The following TMPRSS11A variants were observed in gnomAD, a reference collection of about 807,000 sequenced individuals.
TMPRSS11A encodes transmembrane serine protease 11A.
TMPRSS11A carries 53 observed loss-of-function variants against 58.9 expected under a neutral mutation model. The observed-to-expected ratio is 0.90, with a 90% CI of 0.72 to 1.13. TMPRSS11A has a LOEUF of 1.13. Among genes scored for constraint, TMPRSS11A ranks in the 50% most tolerant of loss-of-function variants. The probability of loss-of-function intolerance (pLI) is 0.00; values close to 1 mark genes in which losing one functional copy is unlikely to be tolerated. For synonymous variants in TMPRSS11A, 167 were observed against 169.8 expected, an observed-to-expected ratio of 0.98 and a Z score of 0.13; for missense variants, 493 against 499.3, an observed-to-expected ratio of 0.99 and a Z score of 0.12.
intron 9 of TMPRSS11A, 36 bp downstream of exon 9, chr4:67,914,552 T>G: frequency 6.3e-6 from 10 of 1,594,718 alleles, no homozygotes; most frequent in Non-Finnish European, 8.6e-6. Flanking sequence ...ATACAAATTT[T>G]TGAGTTAGTA....
At chr4:67,917,869 C>G (rs1369239626) in intron 8 of TMPRSS11A, among the ~76,000 whole-genome samples, 2 of 152,158 alleles carry the variant, frequency 1.3e-5, no homozygotes, top group Admixed American at 1.3e-4. Flanking sequence ...AGGGAGGTGT[C>G]AGGCTTACAG....
intron 8 of TMPRSS11A, among the ~76,000 whole-genome samples, chr4:67,916,110 A>G (rs1720137666): frequency 6.6e-6 from 1 of 152,152 alleles, no homozygotes; most frequent in African/African-American, 2.4e-5. Context: ...TTCTTGAGAA[A>G]CGCTACAAGA....
rs757600245 is a variant in TMPRSS11A, at chr4:67,946,552, G to A, written c.31C>T (p.Arg11Ter). The A allele has an allele frequency of 1.1e-5, 17 of 1,610,980 alleles. No homozygotes were observed. The highest frequency in any genetic ancestry group is 1.4e-5 in the Non-Finnish European group (16 of 1,178,604). MMYRTVGFGT[R>*]SRNLKPWMIA... ...ATCCATGGCTTCAGATTTCTGCTTC[G>A]GGTGCCAAATCCCACTGTCCTGAGA... The change falls in exon 2 of 10, where the codon CGA (arginine) becomes TGA (stop). Residue 11 changes from arginine (R) to a stop codon, truncating the protein, a stop_gained. Transcript: ENST00000508048. LOFTEE classifies it high-confidence loss of function.
chr4:67,962,545 G>A (rs919246840), intron 1 of TMPRSS11A, among the ~76,000 whole-genome samples: 4 of 152,156 alleles, frequency 2.6e-5, no homozygotes, highest in Non-Finnish European at 5.9e-5. Flanking sequence ...GCTTTAAAAT[G>A]GGAGTTAACG....
chr4:67,939,732 A>G (rs1413091845), intron 3 of TMPRSS11A, among the ~76,000 whole-genome samples: 1 of 152,208 alleles, frequency 6.6e-6, no homozygotes, highest in East Asian at 1.9e-4. Flanking sequence ...TCTGTCACCC[A>G]GGCTGGAGTG....
At chr4:67,936,466 C>T (rs115439795) in intron 3 of TMPRSS11A, among the ~76,000 whole-genome samples, 2,589 of 151,954 alleles carry the variant, frequency 0.017, 82 homozygotes, top group African/African-American at 0.059. Flanking sequence ...AGCCTAACTG[C>T]CACATCTTTA....
chr4:67,929,766 T>C, intron 5 of TMPRSS11A, 114 bp downstream of exon 5: 1 of 1,018,428 alleles, frequency 9.8e-7, no homozygotes, highest in East Asian at 2.4e-5. Flanking sequence ...TTGAATTTTT[T>C]CATCTGAATT....
rs1014545080 is a variant in TMPRSS11A at position 67,913,135 on chromosome 4, G to C, written c.1095+1453C>G. Reference sequence around the variant, plus strand: ...TGTTTGGTTCTAGGGTATGGAGCTAGAAACCAGATTGGAAGCTCTGTGCTT... The same window carrying C: ...TGTTTGGTTCTAGGGTATGGAGCTACAAACCAGATTGGAAGCTCTGTGCTT... On this transcript the variant is annotated intron_variant, in intron 9 of 9. Coordinates refer to ENST00000508048, the MANE Select transcript of TMPRSS11A (RefSeq NM_001114387.2). Among the ~76,000 whole-genome samples, 3 of 152,284 alleles carry C rather than the reference G, an allele frequency of 2.0e-5. No homozygotes were observed. The South Asian group carries it at 6.2e-4, about 32-fold the overall frequency.
At chr4:67,932,343 A>C (rs1397256000) in intron 3 of TMPRSS11A, among the ~76,000 whole-genome samples, 1 of 152,178 alleles carries the variant, frequency 6.6e-6, no homozygotes, top group Admixed American at 6.5e-5. Flanking sequence ...ACTGTGCTAG[A>C]GTAGGTTTCT....
Position 67,961,509 on chromosome 4 carries a change from T to C in TMPRSS11A, c.11+1874A>G, listed in dbSNP as rs867275115. On this transcript the variant is annotated intron_variant, in intron 1 of 9. Transcript: ENST00000508048. The stretch of plus-strand genomic sequence containing the variant: ...TTTTTTTTTTTTTTTTTTTTTTTTT[T>C]TTTTTTTTTTTTTTTTTTTTGAGAC... Among the ~76,000 whole-genome samples the C allele has an allele frequency of 3.9e-3, 142 of 36,390 alleles. 11 individuals carry two copies. The highest frequency in any genetic ancestry group is 0.031 in the South Asian group (30 of 956). The allele number at this position is 36,390 out of a possible 152,430, so 23.9% of individuals were successfully genotyped here.
intron 1 of TMPRSS11A, among the ~76,000 whole-genome samples, chr4:67,953,760 A>C (rs1485803539): frequency 6.6e-6 from 1 of 151,490 alleles, no homozygotes; most frequent in Non-Finnish European, 1.5e-5. Context: ...ATACCATTGC[A>C]CTCCAGCCTG....
chr4:67,923,131 C>T (rs943784246), intron 6 of TMPRSS11A, among the ~76,000 whole-genome samples: 2 of 152,184 alleles, frequency 1.3e-5, no homozygotes, highest in African/African-American at 4.8e-5. Context: ...AGCTGACTCT[C>T]TGATCAACTC....
At chr4:67,960,768 T>C (rs1721403081) in intron 1 of TMPRSS11A, among the ~76,000 whole-genome samples, 1 of 152,212 alleles carries the variant, frequency 6.6e-6, no homozygotes. Context: ...AATTAAAATG[T>C]AAAACATGAA....
intron 3 of TMPRSS11A, among the ~76,000 whole-genome samples, chr4:67,942,507 G>A (rs1276259792): frequency 2.6e-5 from 4 of 152,200 alleles, no homozygotes; most frequent in East Asian, 1.9e-4. Context: ...CCAGAACTAT[G>A]AGAAATAATT....
chr4:67,957,142 C>G (rs1721309822), intron 1 of TMPRSS11A, among the ~76,000 whole-genome samples: 1 of 152,182 alleles, frequency 6.6e-6, no homozygotes, highest in Non-Finnish European at 1.5e-5. Flanking sequence ...ATTGCCCAGT[C>G]TCAGGTATGT....
At chr4:67,945,857 A>G (rs745690464) in intron 2 of TMPRSS11A, among the ~76,000 whole-genome samples, 5 of 152,240 alleles carry the variant, frequency 3.3e-5, no homozygotes, top group Admixed American at 6.5e-5. Context: ...TTGTGTAATT[A>G]CAAATATATT....
At chr4:67,945,114 A>C (rs1285398021) in intron 2 of TMPRSS11A, among the ~76,000 whole-genome samples, 1 of 152,158 alleles carries the variant, frequency 6.6e-6, no homozygotes, top group African/African-American at 2.4e-5. Context: ...TTGATTTTTA[A>C]CAAGAGAGCC....
intron 8 of TMPRSS11A, among the ~76,000 whole-genome samples, chr4:67,917,670 C>T (rs556311482): frequency 6.6e-6 from 1 of 152,280 alleles, no homozygotes; most frequent in African/African-American, 2.4e-5. Flanking sequence ...GTGGAGTGCT[C>T]TATAAGTGTC....
intron 3 of TMPRSS11A, among the ~76,000 whole-genome samples, chr4:67,939,699 AT>A (rs1488514421): frequency 6.6e-6 from 1 of 151,812 alleles, no homozygotes; most frequent in Non-Finnish European, 1.5e-5. Flanking sequence ...TAAATTTTTA[AT>A]TTTTTTGAGA....
Sources: gnomAD v4.1 joint callset for allele counts (sites outside exome capture counted in the v4.1 genomes callset) on GRCh38, gnomAD v4.1.1 for gene constraint, MANE v1.5 for transcripts, NCBI Gene and HGNC (gene_info 2026-07-23, HGNC 2026-07-21) for gene names.